CSGALNACT1: variants seen among roughly 807,000 people sequenced by gnomAD.
CSGALNACT1 encodes chondroitin sulfate N-acetylgalactosaminyltransferase 1.
CSGALNACT1 carries 52 observed loss-of-function variants against 51.0 expected under a neutral mutation model. The ratio of observed to expected loss-of-function variants is 1.02; its 90% CI spans 0.82 to 1.29. The LOEUF (loss-of-function observed/expected upper bound fraction) is 1.29, where lower values mean the gene tolerates loss of function less well. CSGALNACT1 is among the 50% of genes most tolerant of loss of function. The pLI, the probability that CSGALNACT1 is intolerant of heterozygous loss-of-function variation, is 0.00. For synonymous variants in CSGALNACT1, 341 were observed against 254.4 expected, an observed-to-expected ratio of 1.34 and a Z score of -3.24; for missense variants, 935 against 679.2, an observed-to-expected ratio of 1.38 and a Z score of -4.19.
rs1469945586 is a variant in CSGALNACT1, at chr8:19,458,759, C to G, written c.635-117G>C. 3 of 966,472 alleles carry G rather than the reference C, an allele frequency of 3.1e-6. No individual in the cohort carries two copies. In the African/African-American group the frequency reaches 4.9e-5, roughly 16 times the overall value. 59.9% of individuals were successfully genotyped at this position (966,472 alleles called of 1,614,324 possible). On this transcript the variant is annotated intron_variant, in intron 4 of 9. Coordinates refer to ENST00000454498, the Ensembl canonical transcript of CSGALNACT1. ...AAAAGTGTTTAAGATGAAATCTCTC[C>G]AACAATTATTCGAAAATTCAAAATG...
At chr8:19,569,537 A>G (rs1340817782) in intron 3 of CSGALNACT1, among the ~76,000 whole-genome samples, 1 of 152,204 alleles carries the variant, frequency 6.6e-6, no homozygotes, top group East Asian at 1.9e-4. Flanking sequence ...ATCTACTTTT[A>G]AATTAGAGCT....
At chr8:19,674,537 A>C (rs2060029728) in intron 1 of CSGALNACT1, among the ~76,000 whole-genome samples, 1 of 152,166 alleles carries the variant, frequency 6.6e-6, no homozygotes, top group Admixed American at 6.6e-5. Flanking sequence ...GGAGAAGAAC[A>C]GTGGGAAAAG....
At chr8:19,494,900 C>T (rs2075168749) in intron 4 of CSGALNACT1, 1 of 109,870 alleles carries the variant, frequency 9.1e-6, no homozygotes, top group Non-Finnish European at 1.8e-5. Context: ...GGGCGGGGGG[C>T]AGGAGGGTCG....
intron 2 of CSGALNACT1, among the ~76,000 whole-genome samples, chr8:19,597,512 C>T (rs910300113): frequency 2.6e-5 from 4 of 151,928 alleles, no homozygotes; most frequent in African/African-American, 9.7e-5. Flanking sequence ...CACTATGTTT[C>T]CCAGGCTGGC....
chr8:19,701,153 G>GTTTTTTTT (rs767074945), intron 1 of CSGALNACT1, among the ~76,000 whole-genome samples: 12,742 of 93,082 alleles, frequency 0.14, 2,450 homozygotes, highest in Middle Eastern at 0.26. Context: ...TCTATTATCC[G>GTTTTTTTT]TTTTTTTTTT....
chr8:19,430,986 T>G (rs562032384), intron 6 of CSGALNACT1, among the ~76,000 whole-genome samples: 1 of 152,286 alleles, frequency 6.6e-6, no homozygotes, highest in Admixed American at 6.5e-5. Context: ...GATTGTTTAT[T>G]GCTCGTGTAT....
intron 1 of CSGALNACT1, among the ~76,000 whole-genome samples, chr8:19,741,812 T>A (rs1013358292): frequency 2.6e-5 from 4 of 152,200 alleles, no homozygotes; most frequent in Non-Finnish European, 5.9e-5. Flanking sequence ...ATTAAGGTAA[T>A]GCTAGCTTTA....
intron 4 of CSGALNACT1, among the ~76,000 whole-genome samples, chr8:19,495,802 C>T (rs886236263): frequency 2.6e-5 from 4 of 152,144 alleles, no homozygotes; most frequent in Non-Finnish European, 4.4e-5. Context: ...AAGAGAGAAG[C>T]GGGGGACACT....
At chr8:19,558,001 C>A (rs1242872186) in intron 3 of CSGALNACT1, among the ~76,000 whole-genome samples, 7 of 152,048 alleles carry the variant, frequency 4.6e-5, no homozygotes. Flanking sequence ...AAATACAGTC[C>A]CAACTCTAAT....
chr8:19,501,241 C>T (rs1210894829), intron 4 of CSGALNACT1, among the ~76,000 whole-genome samples: 7 of 103,514 alleles, frequency 6.8e-5, no homozygotes, highest in East Asian at 3.1e-4. Context: ...AGCGAGACTC[C>T]GTCTCAAAAA....
At chr8:19,543,257 T>C (rs2085660495) in intron 3 of CSGALNACT1, among the ~76,000 whole-genome samples, 1 of 152,192 alleles carries the variant, frequency 6.6e-6, no homozygotes, top group South Asian at 2.1e-4. Context: ...CATCCTATAC[T>C]TCAGGTTCAG....
chr8:19,656,372 AC>A (rs1257499186), intron 1 of CSGALNACT1, among the ~76,000 whole-genome samples: 2 of 152,040 alleles, frequency 1.3e-5, no homozygotes, highest in Non-Finnish European at 2.9e-5. Context: ...GGCCTGAAAA[AC>A]CTCAAGCCAA....
At chr8:19,701,488 G>C (rs1171394911) in intron 1 of CSGALNACT1, among the ~76,000 whole-genome samples, 1 of 152,040 alleles carries the variant, frequency 6.6e-6, no homozygotes, top group Non-Finnish European at 1.5e-5. Flanking sequence ...AGCAGTGCCA[G>C]CAACTGTGTA....
intron 1 of CSGALNACT1, among the ~76,000 whole-genome samples, chr8:19,646,135 A>G (rs909014499): frequency 4.6e-5 from 7 of 152,242 alleles, no homozygotes; most frequent in African/African-American, 1.7e-4. Context: ...CAGTGATGGG[A>G]AGAATTAATG....
chr8:19,667,754 T>G (rs999372896), intron 1 of CSGALNACT1, among the ~76,000 whole-genome samples: 3 of 152,166 alleles, frequency 2.0e-5, no homozygotes, highest in African/African-American at 7.2e-5. Flanking sequence ...TCATAGGCCA[T>G]AAATCACTAA....
At chr8:19,543,766 A>T (rs183673060) in intron 3 of CSGALNACT1, among the ~76,000 whole-genome samples, 2 of 152,302 alleles carry the variant, frequency 1.3e-5, no homozygotes, top group East Asian at 3.9e-4. Context: ...CATTCTTGCT[A>T]TTTCACTGCA....
chr8:19,547,412 G>A (rs577456271), intron 3 of CSGALNACT1, among the ~76,000 whole-genome samples: 1 of 147,630 alleles, frequency 6.8e-6, no homozygotes, highest in Non-Finnish European at 1.5e-5. Context: ...TTTTGTGGGA[G>A]AGACCCAGTG....
rs980199047 is a variant in CSGALNACT1, at chr8:19,418,922, T to C, written c.1133-172A>G. On this transcript the variant is annotated intron_variant, in intron 7 of 9. Transcript: ENST00000454498. ...AATAGAGTGGCACAATCTTGGCTCA[T>C]TGCAATCTCTGCCTCCTGGGTTCAA... 5.9e-5 allele frequency among the ~76,000 whole-genome samples: 9 copies of C among 152,078 alleles called. No homozygotes were observed. In the South Asian group the frequency reaches 8.3e-4, roughly 14 times the overall value.
At chr8:19,454,546 C>T (rs1470647836) in intron 5 of CSGALNACT1, among the ~76,000 whole-genome samples, 1 of 152,172 alleles carries the variant, frequency 6.6e-6, no homozygotes, top group Non-Finnish European at 1.5e-5. Context: ...TGGTACATGC[C>T]TGTAATCCCA....
Sources: allele counts gnomAD v4.1 joint callset (sites outside exome capture counted in the v4.1 genomes callset), GRCh38; gene constraint gnomAD v4.1.1; transcripts MANE v1.5; gene names NCBI Gene and HGNC (gene_info 2026-07-23, HGNC 2026-07-21).